KIF18B: variants seen among roughly 807,000 people sequenced by gnomAD.
KIF18B encodes the protein kinesin family member 18B, also known as kinesin-like protein KIF18B.
A neutral mutation model predicts 80.9 loss-of-function variants in KIF18B; 49 were observed. That is an observed-to-expected ratio of 0.61 (90% CI 0.48 to 0.77). The LOEUF (loss-of-function observed/expected upper bound fraction) is 0.77, where lower values mean the gene tolerates loss of function less well. Among genes scored for constraint, KIF18B ranks in the 30% least tolerant of loss-of-function variants. The pLI is 0.00. For synonymous variants in KIF18B, 439 were observed against 463.9 expected (o/e 0.95, Z 0.69); for missense variants, 994 against 1,127.7 (o/e 0.88, Z 1.70).
rs1217822994 is a variant in KIF18B, at chr17:44,935,415, C to T, written c.315G>A (p.Val105=). The T allele has an allele frequency of 6.2e-7, 1 of 1,607,044 alleles. No homozygotes were observed. The highest frequency in any genetic ancestry group is 8.5e-7 in the Non-Finnish European group (1 of 1,176,282). Residue 105 remains valine, a splice_region_variant and synonymous_variant, in exon 3 of 16, where the codon GTG becomes GTA. Transcript: ENST00000593135. ...DSFLQGYNCS[V]FAYGATGAGK... is the part of the protein sequence containing the mutation. ...CAGCCCCGGTGGCCCCGTAGGCAAA[C>T]ACTGCAGAGGACATAGTAAGGAGGA...
At chr17:44,938,664 A>G (rs2052356100) in intron 1 of KIF18B, among the ~76,000 whole-genome samples, 1 of 152,150 alleles carries the variant, frequency 6.6e-6, no homozygotes, top group Admixed American at 6.6e-5. Context: ...TTGGTAAGCA[A>G]TTATCCCCAA....
At position 44,925,827 on chromosome 17, in the gene KIF18B, G is replaced by A; in HGVS notation, c.*253C>T. 1 of 528,964 alleles carries A rather than the reference G, an allele frequency of 1.9e-6. No homozygotes were observed. The highest frequency in any genetic ancestry group is 3.4e-5 in the East Asian group (1 of 29,106). 32.8% of individuals were successfully genotyped at this position (528,964 alleles called of 1,614,324 possible). A position where few individuals can be genotyped will look rare whatever the true frequency, so the allele number is the denominator to read the frequency against. ...AAAAACCACCAAAAAACAAAAAACAGCAGCACATTAACACTCACAAATGAA... is the reference window on the plus strand; with the variant it reads ...AAAAACCACCAAAAAACAAAAAACAACAGCACATTAACACTCACAAATGAA... On this transcript the variant is annotated 3_prime_UTR_variant, in exon 16 of 16. Transcript: ENST00000593135.
chr17:44,935,554 C>T, intron 2 of KIF18B, 138 bp from the exon 3 acceptor site: 1 of 898,952 alleles, frequency 1.1e-6, no homozygotes. Flanking sequence ...CTCCATGTTC[C>T]CGCTGCAGGG....
In KIF18B at chr17:44,927,778, G is replaced by C. The variant is rs368259418; in HGVS notation, c.2276+248C>G. On this transcript the variant is annotated intron_variant, in intron 13 of 15. Transcript: ENST00000593135. This position sits in a 1 kb window ranked among gnomAD's most constrained non-coding sequence, Gnocchi z 4.1. ...TTGGGGTCCCATTAGCTACTCATGA[G>C]CATGCTACAAACCAGCACAGAGTGG... Among the ~76,000 whole-genome samples the C allele has an allele frequency of 6.6e-6, 1 of 152,194 alleles. No individual in the cohort carries two copies.
intron 1 of KIF18B, among the ~76,000 whole-genome samples, chr17:44,939,845 C>T (rs1450331212): frequency 6.6e-6 from 1 of 152,006 alleles, no homozygotes; most frequent in Non-Finnish European, 1.5e-5. Context: ...GACTGAGTCT[C>T]GCTATCGCCC....
chr17:44,931,700 G>A lies in KIF18B; in HGVS notation c.1419C>T (p.Pro473=), dbSNP rs780502650. Residue 473 remains proline, a synonymous_variant, in exon 11 of 16, where the codon CCC becomes CCT. Transcript: ENST00000593135. ...GAGGGGACTCTGGCAGTGCATGTGT[G>A]GGGTTCTGCTCTGGCATCTGGGTTG... ...EVPTQMPEQN[P]THALPESPRL... The A allele has an allele frequency of 1.2e-6, 2 of 1,613,978 alleles. No homozygotes were observed. Among genetic ancestry groups the A allele is most frequent in the South Asian group, 1.1e-5 (1 of 91,080 alleles).
intron 15 of KIF18B, 71 bp downstream of exon 15, chr17:44,926,343 C>A: frequency 6.4e-7 from 1 of 1,553,402 alleles, no homozygotes; most frequent in South Asian, 1.2e-5. Flanking sequence ...TCTCAGCTCC[C>A]CGTCCCCTCC....
In KIF18B at chr17:44,927,013, G is replaced by T. The variant is rs1357881238; in HGVS notation, c.2342C>A (p.Ala781Asp). Residue 781 changes from alanine to aspartate, a missense_variant, in exon 14 of 16, where the codon GCC (alanine) becomes GAC (aspartate). Transcript: ENST00000593135. This position sits in a 1 kb window ranked among gnomAD's most constrained non-coding sequence, Gnocchi z 4.1. The stretch of plus-strand genomic sequence containing the variant: ...CCTCGCAACGCGCTTCTTCTTGCAG[G>T]CAGAGGTCCCAGGGAGGGAAGATGT... Reference protein sequence around the residue: ...KPTSSLPGTSACKKKRVASSS... With the variant: ...KPTSSLPGTSDCKKKRVASSS... 6.2e-7 allele frequency: 1 copy of T among 1,612,368 alleles called. No homozygotes were observed.
intron 1 of KIF18B, among the ~76,000 whole-genome samples, chr17:44,936,796 T>C (rs895160454): frequency 2.0e-5 from 3 of 150,326 alleles, no homozygotes; most frequent in African/African-American, 7.3e-5. Flanking sequence ...TGTGCCACCA[T>C]GCCTGGCTAA....
intron 11 of KIF18B, 55 bp from the exon 12 acceptor site, chr17:44,929,079 G>T (rs530442363): frequency 1.3e-5 from 19 of 1,474,382 alleles, no homozygotes; most frequent in Non-Finnish European, 1.8e-5. Flanking sequence ...CTGACCAGGA[G>T]CCTCTATGCC....
rs10603237 is a variant in KIF18B at position 44,947,090 on chromosome 17, CAGAG to C, written c.-15+534_-15+537del. Reference sequence around the variant, plus strand: ...CGCCATTGCACTCCAGCCTGGGAGACAGAGAGAGAGAGACTCCATCTCCAAAAAA... The same window carrying C: ...CGCCATTGCACTCCAGCCTGGGAGACAGAGAGAGACTCCATCTCCAAAAAA... On this transcript the variant is annotated intron_variant, in intron 1 of 15. Transcript: ENST00000593135. Among the ~76,000 whole-genome samples the C allele has an allele frequency of 1.3e-4, 15 of 115,752 alleles. No homozygotes were observed. In the East Asian group the frequency reaches 3.3e-3, roughly 26 times the overall value. The allele number at this position is 115,752 out of a possible 152,430, so 75.9% of individuals were successfully genotyped here.
chr17:44,940,113 C>T (rs1043360544), intron 1 of KIF18B, among the ~76,000 whole-genome samples: 3 of 152,254 alleles, frequency 2.0e-5, no homozygotes, highest in African/African-American at 7.2e-5. Flanking sequence ...CAAACTCCTT[C>T]TTTCCAGAAG....
At chr17:44,944,109 C>A (rs1011710257) in intron 1 of KIF18B, among the ~76,000 whole-genome samples, 7 of 152,302 alleles carry the variant, frequency 4.6e-5, no homozygotes, top group South Asian at 4.1e-4. Flanking sequence ...CAATGTTAAA[C>A]CATTCTTGCA....
intron 11 of KIF18B, 45 bp downstream of exon 11, chr17:44,931,557 A>T (rs1425751202): frequency 6.2e-7 from 1 of 1,613,508 alleles, no homozygotes; most frequent in Non-Finnish European, 8.5e-7. Context: ...GGCTGAGCCC[A>T]TTGCTTCCCA....
chr17:44,934,782 C>G lies in KIF18B; in HGVS notation c.576+49G>C. 1.4e-6 allele frequency: 2 copies of G among 1,413,480 alleles called. No individual in the cohort carries two copies. Among genetic ancestry groups the G allele is most frequent in the Non-Finnish European group, 1.9e-6 (2 of 1,033,562 alleles). The allele number at this position is 1,413,480 out of a possible 1,614,324, so 87.6% of individuals were successfully genotyped here. A position where few individuals can be genotyped will look rare whatever the true frequency, so the allele number is the denominator to read the frequency against. ...ATCCCCAAACAGTTTTGTGAGGGAACCCCAAGGACCCATGGGGCCGATCAT... is the reference window on the plus strand; with the variant it reads ...ATCCCCAAACAGTTTTGTGAGGGAAGCCCAAGGACCCATGGGGCCGATCAT... On this transcript the variant is annotated intron_variant, in intron 4 of 15. Coordinates refer to ENST00000593135, the MANE Select transcript of KIF18B (RefSeq NM_001265577.2). This position sits in a 1 kb window ranked among gnomAD's most constrained non-coding sequence, Gnocchi z 5.4.
chr17:44,938,361 T>C (rs115965781), intron 1 of KIF18B, among the ~76,000 whole-genome samples: 1,577 of 152,278 alleles, frequency 0.01, 26 homozygotes, highest in African/African-American at 0.036. Context: ...TTTGTTGCTA[T>C]GGTAATTTAT....
In KIF18B at chr17:44,932,753, C is replaced by T. The variant is rs773763844; in HGVS notation, c.1158G>A (p.Lys386=). ...LQAEVAALRK[K]LQVYEGGGQP... ...GGCCTCCCCCCTCATACACTTGGAG[C>T]TTCTTCCTCAGAGCGGCTACCTGGA... is the stretch of plus-strand genomic sequence containing the variant. Residue 386 remains lysine, a synonymous_variant, in exon 9 of 16, where the codon AAG becomes AAA. Transcript: ENST00000593135. 5 of 1,613,368 alleles carry T rather than the reference C, an allele frequency of 3.1e-6. No individual in the cohort carries two copies. Among genetic ancestry groups the T allele is most frequent in the Non-Finnish European group, 4.2e-6 (5 of 1,179,674 alleles).
At chr17:44,929,357 C>G (rs552225205) in intron 11 of KIF18B, among the ~76,000 whole-genome samples, 2 of 152,226 alleles carry the variant, frequency 1.3e-5, no homozygotes, top group African/African-American at 4.8e-5. Context: ...AGGTCTGAGT[C>G]TTCTCTTGGC....
Position 44,929,143 on chromosome 17 carries a change from T to C in KIF18B, c.1518-119A>G. 1.3e-5 allele frequency: 11 copies of C among 856,312 alleles called. 1 individual carries two copies. The South Asian group carries it at 1.7e-4, about 13-fold the overall frequency. The allele number at this position is 856,312 out of a possible 1,614,324, so 53.0% of individuals were successfully genotyped here. On this transcript the variant is annotated intron_variant, in intron 11 of 15. Transcript: ENST00000593135. ...GGTTGAGGAGTCTGAACTGGTCCCC[T>C]GGCTCCCTCCTGCCTCACCCCAGAC...
Sources: gnomAD v4.1 joint callset for allele counts (sites outside exome capture counted in the v4.1 genomes callset) on GRCh38, gnomAD v4.1.1 for gene constraint, Gnocchi (gnomAD v3.1) non-coding constraint, MANE v1.5 for transcripts, NCBI Gene and HGNC (gene_info 2026-07-23, HGNC 2026-07-21) for gene names.